Variants in SPAG9 observed in about 807,000 individuals in gnomAD.
The protein encoded by SPAG9 is C-Jun-amino-terminal kinase-interacting protein 4.
A neutral mutation model predicts 166.5 loss-of-function variants in SPAG9; 35 were observed. The ratio of observed to expected loss-of-function variants is 0.21; its 90% CI spans 0.16 to 0.28. SPAG9 has a LOEUF of 0.28. Ranked by LOEUF, SPAG9 falls within the 10% of genes least tolerant of loss-of-function variation. The pLI is 1.00. For missense variants in SPAG9, 1,235 were observed against 1,603.3 expected (o/e 0.77, Z 3.92); for synonymous variants, 534 against 565.5 (o/e 0.94, Z 0.79).
intron 9 of SPAG9, among the ~76,000 whole-genome samples, 200 bp from the exon 10 acceptor site, chr17:51,007,526 C>G (rs1431647741): frequency 6.6e-6 from 1 of 151,960 alleles, no homozygotes; most frequent in Non-Finnish European, 1.5e-5. Flanking sequence ...ACGAACAAGG[C>G]TAAAGATTTT....
At chr17:51,002,245 G>GGA (rs1312239126) in intron 12 of SPAG9, among the ~76,000 whole-genome samples, 2 of 152,004 alleles carry the variant, frequency 1.3e-5, no homozygotes, top group African/African-American at 4.8e-5. Context: ...TTGAAATACT[G>GGA]GACTCTAGTG....
chr17:50,974,246 T>C lies in SPAG9; in HGVS notation c.3700+525A>G, dbSNP rs183860608. On this transcript the variant is annotated intron_variant, in intron 28 of 29. Coordinates refer to ENST00000262013, the MANE Select transcript of SPAG9 (RefSeq NM_001130528.3). ...TCATTAATTTTCATAACAAATGAAG[T>C]AGGCAGAGCAGATATTAATCACATC... is the stretch of plus-strand genomic sequence containing the variant. Among the ~76,000 whole-genome samples, 236 of 152,332 alleles carry C rather than the reference T, an allele frequency of 1.5e-3. 6 individuals carry two copies. Among genetic ancestry groups the C allele is most frequent in the Non-Finnish European group, 3.5e-4 (24 of 68,034 alleles).
intron 3 of SPAG9, among the ~76,000 whole-genome samples, chr17:51,051,701 CACA>C (rs2047189514): frequency 6.6e-6 from 1 of 152,098 alleles, no homozygotes; most frequent in African/African-American, 2.4e-5. Flanking sequence ...GCCTGGGCAA[CACA>C]ACGAGACTCC....
intron 1 of SPAG9, among the ~76,000 whole-genome samples, chr17:51,091,088 C>G (rs1401419765): frequency 1.3e-5 from 2 of 151,580 alleles, no homozygotes; most frequent in Admixed American, 1.3e-4. Context: ...ATGACTCTGT[C>G]TCCACGAAAC....
At position 51,049,612 on chromosome 17, in the gene SPAG9, A is replaced by G. The variant is rs975150613; in HGVS notation, c.496-2143T>C. On this transcript the variant is annotated intron_variant, in intron 3 of 29. Transcript: ENST00000262013. ...GAAGATCGTTTGAGCCAGGGAGATC[A>G]AAACTGCAGTGAACCATGAGTCTCA... 3.3e-5 allele frequency among the ~76,000 whole-genome samples: 5 copies of G among 152,150 alleles called. No homozygotes were observed. The East Asian group carries it at 9.6e-4, about 29-fold the overall frequency.
chr17:51,076,534 G>C lies in SPAG9; in HGVS notation c.424+3050C>G, dbSNP rs966083966. The stretch of plus-strand genomic sequence containing the variant: ...GCGGATCACCTGAGGTTGGGAGTTC[G>C]AGACAAGCCTGGCCAACATGGTGAA... On this transcript the variant is annotated intron_variant, in intron 2 of 29. Transcript: ENST00000262013. 2.0e-5 allele frequency among the ~76,000 whole-genome samples: 3 copies of C among 151,716 alleles called. No individual in the cohort carries two copies. In the South Asian group the frequency reaches 6.2e-4, roughly 31 times the overall value.
intron 1 of SPAG9, among the ~76,000 whole-genome samples, chr17:51,095,701 G>A (rs2048594714): frequency 6.9e-6 from 1 of 144,134 alleles, no homozygotes; most frequent in Admixed American, 7.1e-5. Context: ...TATATATAGT[G>A]ATATATATAG....
chr17:51,090,803 ATTGGT>A (rs1181694312), intron 1 of SPAG9, among the ~76,000 whole-genome samples: 2 of 152,196 alleles, frequency 1.3e-5, no homozygotes, highest in Admixed American at 1.3e-4. Context: ...ACAGCACAAC[ATTGGT>A]TTACAGCTCA....
intron 6 of SPAG9, among the ~76,000 whole-genome samples, chr17:51,028,092 TA>T (rs1318303111): frequency 6.6e-6 from 1 of 151,256 alleles, no homozygotes; most frequent in Non-Finnish European, 1.5e-5. Flanking sequence ...TTTTTTTAAA[TA>T]GATAAAAGCT....
Position 51,047,408 on chromosome 17 carries a change from T to C in SPAG9, c.557A>G (p.Asp186Gly). The stretch of plus-strand genomic sequence containing the variant: ...ACTATGAGCTGTGGATTCTAGTTGA[T>C]CACTCCCTGAGAGCTGATGAAGTTT... ...RTKLHQLSGS[D>G]QLESTAHSRI... The change falls in exon 4 of 30, where the codon GAT becomes GGT. Residue 186 changes from aspartate to glycine, a missense_variant. Around this residue, in one of 6 missense-constraint regions of SPAG9, gnomAD observed 288 missense variants for 323.7 expected, o/e 0.89. Transcript: ENST00000262013. The C allele has an allele frequency of 1.9e-6, 3 of 1,594,272 alleles. No individual in the cohort carries two copies. The highest frequency in any genetic ancestry group is 2.6e-6 in the Non-Finnish European group (3 of 1,168,578).
At chr17:50,966,481 A>C in intron 29 of SPAG9, 94 bp from the exon 30 acceptor site, 1 of 801,736 alleles carries the variant, frequency 1.2e-6, no homozygotes, top group Non-Finnish European at 2.2e-6. Context: ...TCCATGAACA[A>C]GATGCCCAAA....
Position 51,120,605 on chromosome 17 carries a change from C to G in SPAG9, c.52G>C (p.Ala18Pro). The change falls in exon 1 of 30, where the codon GCC becomes CCC. Residue 18 changes from alanine (A) to proline (P), a missense_variant. Transcript: ENST00000262013. The surrounding 1 kb of genome is among the most constrained non-coding windows in gnomAD (Gnocchi z 4.7). Reference sequence around the variant, plus strand: ...CCGGACACCCGCTCCGACATCACGGCCCCGGAGCCGCCGGGCTCCTCCTGA... The same window carrying G: ...CCGGACACCCGCTCCGACATCACGGGCCCGGAGCCGCCGGGCTCCTCCTGA... ...VYQEEPGGSG[A>P]VMSERVSGLA... is the part of the protein sequence containing the mutation. 2 of 1,612,790 alleles carry G rather than the reference C, an allele frequency of 1.2e-6. No individual in the cohort carries two copies. The highest frequency in any genetic ancestry group is 1.7e-6 in the Non-Finnish European group (2 of 1,179,556).
chr17:51,007,489 T>C (rs2144032178), intron 9 of SPAG9, among the ~76,000 whole-genome samples, 163 bp from the exon 10 acceptor site: 1 of 152,226 alleles, frequency 6.6e-6, no homozygotes, highest in African/African-American at 2.4e-5. Flanking sequence ...CTTTAATAGA[T>C]TATAAAATTA....
chr17:51,003,499 C>T (rs1039516425), intron 12 of SPAG9, among the ~76,000 whole-genome samples: 1 of 152,088 alleles, frequency 6.6e-6, no homozygotes. Flanking sequence ...TACCTAGTTA[C>T]CAAGGTACTC....
intron 28 of SPAG9, among the ~76,000 whole-genome samples, chr17:50,972,887 C>T (rs1256326922): frequency 6.6e-6 from 1 of 152,190 alleles, no homozygotes; most frequent in Non-Finnish European, 1.5e-5. Flanking sequence ...ATCTTTAGGG[C>T]CAACTGGCCT....
chr17:51,100,373 G>A (rs1176081534), intron 1 of SPAG9, among the ~76,000 whole-genome samples: 1 of 152,200 alleles, frequency 6.6e-6, no homozygotes, highest in East Asian at 1.9e-4. Flanking sequence ...GGGAGGCCAA[G>A]GTGGGCAGAC....
At chr17:50,998,642 TG>T in intron 14 of SPAG9, 25 bp from the exon 15 acceptor site, 2 of 1,606,266 alleles carry the variant, frequency 1.2e-6, no homozygotes, top group South Asian at 2.2e-5. Context: ...TATGTCTGTG[TG>T]TCACATGTAC....
intron 1 of SPAG9, among the ~76,000 whole-genome samples, chr17:51,100,596 C>A (rs970544723): frequency 6.6e-6 from 1 of 151,930 alleles, no homozygotes; most frequent in Admixed American, 6.6e-5. Flanking sequence ...CGTGCCACTG[C>A]ACTCCAGTCT....
At chr17:51,018,821 A>G (rs1320719401) in intron 8 of SPAG9, among the ~76,000 whole-genome samples, 1 of 152,128 alleles carries the variant, frequency 6.6e-6, no homozygotes, top group African/African-American at 2.4e-5. Context: ...CCCTCAAAGT[A>G]GCACCGCTGC....
Sources: allele counts gnomAD v4.1 joint callset (sites outside exome capture counted in the v4.1 genomes callset), GRCh38; gene constraint gnomAD v4.1.1; regional missense constraint gnomAD v4.1.1; non-coding constraint Gnocchi (gnomAD v3.1); transcripts MANE v1.5; gene names NCBI Gene and HGNC (gene_info 2026-07-23, HGNC 2026-07-21).